PZP: variants seen among roughly 807,000 people sequenced by gnomAD.
PZP encodes PZP alpha-2-macroglobulin like, also known as pregnancy zone protein.
PZP carries 150 observed loss-of-function variants against 179.8 expected under a neutral mutation model. The ratio of observed to expected loss-of-function variants is 0.83; its 90% CI spans 0.73 to 0.96. PZP has a LOEUF of 0.96. Ranked by LOEUF, PZP falls within the 40% of genes least tolerant of loss-of-function variation. PZP has a pLI of 0.00. For synonymous variants in PZP, 624 were observed against 652.3 expected (o/e 0.96, Z 0.66); for missense variants, 1,689 against 1,764.0 (o/e 0.96, Z 0.76).
intron 11 of PZP, among the ~76,000 whole-genome samples, chr12:9,193,250 GT>G (rs1489047743): frequency 6.6e-6 from 1 of 152,148 alleles, no homozygotes; most frequent in Admixed American, 6.6e-5. Context: ...TGCAGATAAT[GT>G]TTTGCGCACA....
At chr12:9,140,402 T>A in the PZP span, among the ~76,000 whole-genome samples, 1 of 152,168 alleles carries the variant, frequency 6.6e-6, no homozygotes, top group Non-Finnish European at 1.5e-5. Flanking sequence ...TCGGCCCAAT[T>A]GGTTGAGATA....
At position 9,182,137 on chromosome 12, in the gene PZP, A is replaced by AGACAAAATGGTCATAAGTGG; in HGVS notation, c.1547-21_1547-20insCCACTTATGACCATTTTGTC. The AGACAAAATGGTCATAAGTGG allele has an allele frequency of 6.2e-7, 1 of 1,611,172 alleles. No homozygotes were observed. Among genetic ancestry groups the AGACAAAATGGTCATAAGTGG allele is most frequent in the Non-Finnish European group, 8.5e-7 (1 of 1,178,312 alleles). On this transcript the variant is annotated intron_variant, in intron 13 of 35. Transcript: ENST00000261336. ...CTTTCACTGGAACATGGAGAGAGTG[A>AGACAAAATGGTCATAAGTGG]GACAAAATGGTCATAAGTGAGACAA...
At chr12:9,190,057 G>T (rs1943367702) in intron 13 of PZP, among the ~76,000 whole-genome samples, 1 of 152,146 alleles carries the variant, frequency 6.6e-6, no homozygotes, top group South Asian at 2.1e-4. Context: ...ATGTAAATTA[G>T]TTCAGCCATT....
Position 9,164,117 on chromosome 12 carries a change from G to T in PZP, c.2614+16C>A. On this transcript the variant is annotated intron_variant, in intron 20 of 35. Transcript: ENST00000261336. ...TCCTTGTTGATTGATAGGCCCTTTTGGGTACTGTCACTCACCCAGAGTTTT... is the reference window on the plus strand; with the variant it reads ...TCCTTGTTGATTGATAGGCCCTTTTTGGTACTGTCACTCACCCAGAGTTTT... 6.2e-7 allele frequency: 1 copy of T among 1,606,346 alleles called. No individual in the cohort carries two copies. The highest frequency in any genetic ancestry group is 8.5e-7 in the Non-Finnish European group (1 of 1,173,684).
At position 9,159,637 on chromosome 12, in the gene PZP, A is replaced by G. The variant is rs990318533; in HGVS notation, c.3137+301T>C. Among the ~76,000 whole-genome samples, 2 of 151,910 alleles carry G rather than the reference A, an allele frequency of 1.3e-5. 1 individual carries two copies. The highest frequency in any genetic ancestry group is 4.8e-5 in the African/African-American group (2 of 41,336). ...GCCCAGTCTCTACAAAGTAAAACAA[A>G]GAAAAGAAAAGAAGAGAAGGAGAGA... On this transcript the variant is annotated intron_variant, in intron 25 of 35. Transcript: ENST00000261336.
rs776640306 is a variant in PZP at position 9,160,471 on chromosome 12, A to T, written c.2892T>A (p.Ala964=). Residue 964 remains alanine (A), a synonymous_variant, in exon 24 of 36, where the codon GCT becomes GCA. Transcript: ENST00000261336. The part of the protein sequence containing the change: ...FSVLGDILGS[A]MQNIQNLLQM... ...GGAGGAGATTTTGTATATTTTGCAT[A>T]GCAGAACCTAATATGTCACCTGGGG... The T allele has an allele frequency of 1.9e-6, 3 of 1,613,444 alleles. No homozygotes were observed. Among genetic ancestry groups the T allele is most frequent in the Non-Finnish European group, 2.5e-6 (3 of 1,179,684 alleles).
In PZP at chr12:9,153,237, G is replaced by A. The variant is rs140218967; in HGVS notation, c.3881C>T (p.Thr1294Ile). Residue 1294 changes from threonine (T) to isoleucine (I), a missense_variant, in exon 30 of 36, where the codon ACA becomes ATA. Coordinates refer to ENST00000261336, the MANE Select transcript of PZP (RefSeq NM_002864.3). ...GTTGTTGTTGTCTACTTGGAAATTT[G>A]TAGAAAAGGTCTGTGAATCCTGAAC... The part of the protein sequence containing the change: ...VTVQDSQTFS[T>I]NFQVDNNNLL... The A allele has an allele frequency of 1.5e-5, 24 of 1,614,078 alleles. No homozygotes were observed. The African/African-American group carries it at 2.4e-4, about 16-fold the overall frequency.
intron 2 of PZP, 121 bp from the exon 3 acceptor site, chr12:9,202,805 A>G (rs1355220699): frequency 1.1e-6 from 1 of 923,164 alleles, no homozygotes; most frequent in Non-Finnish European, 1.6e-6. Flanking sequence ...AGGTGTGACT[A>G]TTTCTTCAGA....
chr12:9,200,758 C>T, intron 6 of PZP, 134 bp downstream of exon 6: 1 of 949,248 alleles, frequency 1.1e-6, no homozygotes, highest in Non-Finnish European at 1.6e-6. Context: ...TTCACACCGT[C>T]CTAATGGTCT....
At chr12:9,139,848 C>T in the PZP span, among the ~76,000 whole-genome samples, 1 of 129,874 alleles carries the variant, frequency 7.7e-6, no homozygotes, top group African/African-American at 2.5e-5. Flanking sequence ...GGATTCTGAC[C>T]AATTTTTGGT....
At chr12:9,204,591 G>A (rs1032038665) in intron 1 of PZP, among the ~76,000 whole-genome samples, 10 of 152,014 alleles carry the variant, frequency 6.6e-5, no homozygotes, top group African/African-American at 2.4e-4. Flanking sequence ...TTTTATCAAC[G>A]AGTTTGAAAA....
intron 21 of PZP, 82 bp from the exon 22 acceptor site, chr12:9,162,730 G>GT: frequency 1.8e-6 from 2 of 1,138,434 alleles, no homozygotes; most frequent in Admixed American, 2.0e-5. Flanking sequence ...TCTTTGATGG[G>GT]TAGGGTTTAC....
intron 13 of PZP, among the ~76,000 whole-genome samples, chr12:9,187,014 A>G (rs1205464218): frequency 6.6e-6 from 1 of 151,886 alleles, no homozygotes; most frequent in Non-Finnish European, 1.5e-5. Flanking sequence ...AAAAAAAGAA[A>G]AAGAGAAAAG....
chr12:9,146,449 G>A (rs1940012775), downstream of PZP, among the ~76,000 whole-genome samples: 1 of 151,976 alleles, frequency 6.6e-6, no homozygotes, highest in Admixed American at 6.6e-5. Flanking sequence ...GCATCTTTAT[G>A]AGAATTATTT....
At chr12:9,201,496 AATT>A (rs1206568288) in intron 4 of PZP, 149 bp from the exon 5 acceptor site, 2 of 597,392 alleles carry the variant, frequency 3.3e-6, no homozygotes, top group Admixed American at 3.0e-5. Flanking sequence ...ATCTCAGGGA[AATT>A]ATTAAATAGT....
downstream of PZP, among the ~76,000 whole-genome samples, chr12:9,144,452 C>T (rs1435722831): frequency 6.6e-6 from 1 of 152,164 alleles, no homozygotes; most frequent in Non-Finnish European, 1.5e-5. Flanking sequence ...GCTGCCACTG[C>T]CCACTGCTTC....
At chr12:9,141,555 C>T in the PZP span, among the ~76,000 whole-genome samples, 1 of 152,174 alleles carries the variant, frequency 6.6e-6, no homozygotes, top group Non-Finnish European at 1.5e-5. Flanking sequence ...TCAACTTTAG[C>T]CAATATATTT....
the PZP span, among the ~76,000 whole-genome samples, chr12:9,141,394 T>C: frequency 6.6e-6 from 1 of 152,222 alleles, no homozygotes; most frequent in Non-Finnish European, 1.5e-5. Context: ...ATTTACCCGA[T>C]TTTAATGTTT....
chr12:9,162,155 T>G (rs1276719094), intron 22 of PZP: 3 of 154,486 alleles, frequency 1.9e-5, no homozygotes, highest in Admixed American at 1.3e-4. Context: ...AGAGACAGGG[T>G]TTCACCATGT....
Sources: allele counts gnomAD v4.1 joint callset (sites outside exome capture counted in the v4.1 genomes callset), GRCh38; gene constraint gnomAD v4.1.1; transcripts MANE v1.5; gene names NCBI Gene and HGNC (gene_info 2026-07-23, HGNC 2026-07-21).